Variants in FAM91A1 observed in about 807,000 individuals in gnomAD.
FAM91A1 encodes family with sequence similarity 91 member A1.
Under a neutral mutation model 113.5 loss-of-function variants are expected in FAM91A1, and 41 were observed. The observed-to-expected ratio is 0.36, with a 90% CI of 0.28 to 0.47. The LOEUF (loss-of-function observed/expected upper bound fraction) is 0.47, where lower values mean the gene tolerates loss of function less well. FAM91A1 is among the 20% of genes least tolerant of loss of function. FAM91A1 has a pLI of 1.00. For synonymous variants in FAM91A1, 307 were observed against 347.9 expected (o/e 0.88, Z 1.31); for missense variants, 696 against 1,001.2 (o/e 0.70, Z 4.11).
intron 16 of FAM91A1, among the ~76,000 whole-genome samples, chr8:123,798,923 AC>A (rs1418864551): frequency 6.6e-6 from 1 of 152,232 alleles, no homozygotes; most frequent in African/African-American, 2.4e-5. Context: ...TTAGTATTCA[AC>A]AAGAGATTTG....
At chr8:123,784,364 T>G (rs1185234007) in intron 8 of FAM91A1, 106 bp from the exon 9 acceptor site, 8 of 732,642 alleles carry the variant, frequency 1.1e-5, no homozygotes, top group Non-Finnish European at 1.7e-5. Context: ...AAAGCTGCAT[T>G]CAGTCCCTAA....
intron 1 of FAM91A1, among the ~76,000 whole-genome samples, chr8:123,772,740 A>C (rs1030115845): frequency 1.3e-5 from 2 of 152,234 alleles, no homozygotes; most frequent in Non-Finnish European, 1.5e-5. Flanking sequence ...CCGGAAGTTA[A>C]CTACTAATAG....
At position 123,778,683 on chromosome 8, in the gene FAM91A1, C is replaced by A; in HGVS notation, c.460C>A (p.Arg154Ser). The change falls in exon 6 of 24, where the codon CGT becomes AGT. Residue 154 changes from arginine to serine, a missense_variant. Transcript: ENST00000334705. ...SKKFFRRKTARDLLPIKPVEI... is the reference protein window; with the variant it reads ...SKKFFRRKTASDLLPIKPVEI... ...GAAATTCTTCAGAAGGAAAACAGCC[C>A]GTGATCTTCTACCAATAAAGCCAGT... 1 of 1,610,200 alleles carries A rather than the reference C, an allele frequency of 6.2e-7. No homozygotes were observed. Among genetic ancestry groups the A allele is most frequent in the South Asian group, 1.1e-5 (1 of 90,898 alleles).
At chr8:123,811,765 A>C (rs1385335859) in intron 23 of FAM91A1, among the ~76,000 whole-genome samples, 2 of 152,134 alleles carry the variant, frequency 1.3e-5, no homozygotes, top group African/African-American at 4.8e-5. Context: ...TGGATGTTTG[A>C]GCATGGAGTC....
At chr8:123,786,674 C>G in intron 12 of FAM91A1, 64 bp downstream of exon 12, 2 of 1,157,336 alleles carry the variant, frequency 1.7e-6, no homozygotes, top group East Asian at 2.3e-5. Context: ...CAAACATACA[C>G]TCTTACAGTT....
At chr8:123,787,558 A>G (rs2130093608) in intron 13 of FAM91A1, 106 bp from the exon 14 acceptor site, 4 of 1,085,406 alleles carry the variant, frequency 3.7e-6, no homozygotes, top group Non-Finnish European at 1.3e-6. Context: ...CTCACCCCCC[A>G]ATCCTTAAGT....
chr8:123,777,950 C>T (rs940199546), intron 4 of FAM91A1, 75 bp from the exon 5 acceptor site: 1 of 1,293,962 alleles, frequency 7.7e-7, no homozygotes, highest in Non-Finnish European at 1.1e-6. Context: ...TCGGGTTTTT[C>T]CTACAATCGC....
chr8:123,799,751 C>G (rs1393605649), intron 17 of FAM91A1, 21 bp from the exon 18 acceptor site: 2 of 1,605,432 alleles, frequency 1.2e-6, no homozygotes. Context: ...GCCATTTTAC[C>G]TGTTAATTTC....
chr8:123,768,635 G>A lies in FAM91A1; in HGVS notation c.-68G>A. 7.2e-7 allele frequency: 1 copy of A among 1,393,822 alleles called. No individual in the cohort carries two copies. The allele number at this position is 1,393,822 out of a possible 1,614,324, so 86.3% of individuals were successfully genotyped here. On this transcript the variant is annotated 5_prime_UTR_variant, in exon 1 of 24. Transcript: ENST00000334705. Reference sequence around the variant, plus strand: ...GCGTCGCTCCGCTGACAGGCTGCGGGCGGGCAGGCGGGAGGCGTAGTGTGG... The same window carrying A: ...GCGTCGCTCCGCTGACAGGCTGCGGACGGGCAGGCGGGAGGCGTAGTGTGG...
At chr8:123,773,619 A>G (rs1389721527) in intron 1 of FAM91A1, among the ~76,000 whole-genome samples, 1 of 152,212 alleles carries the variant, frequency 6.6e-6, no homozygotes, top group East Asian at 1.9e-4. Context: ...CAGAAATCCT[A>G]ATCTTTAATA....
At chr8:123,809,467 A>G (rs545516155) in intron 22 of FAM91A1, among the ~76,000 whole-genome samples, 6 of 152,372 alleles carry the variant, frequency 3.9e-5, no homozygotes, top group African/African-American at 1.4e-4. Flanking sequence ...TACATTTTCT[A>G]AAATGGATAT....
At chr8:123,782,933 G>T (rs2130075161) in intron 8 of FAM91A1, among the ~76,000 whole-genome samples, 1 of 152,286 alleles carries the variant, frequency 6.6e-6, no homozygotes, top group East Asian at 1.9e-4. Flanking sequence ...ACTTTGGGAA[G>T]CCAAGGTATG....
At chr8:123,784,768 G>C in intron 9 of FAM91A1, 192 bp downstream of exon 9, 2 of 436,570 alleles carry the variant, frequency 4.6e-6, no homozygotes, top group Non-Finnish European at 3.9e-6. Context: ...ATAATTTATA[G>C]TTTGGTTAAC....
At chr8:123,804,221 C>A (rs1232322182) in intron 18 of FAM91A1, among the ~76,000 whole-genome samples, 1 of 150,326 alleles carries the variant, frequency 6.7e-6, no homozygotes, top group Non-Finnish European at 1.5e-5. Context: ...CGCGGTGGCT[C>A]ACACCTGTAA....
chr8:123,792,283 A>G lies in FAM91A1; in HGVS notation c.1411+2538A>G, dbSNP rs147438226. Among the ~76,000 whole-genome samples, 956 of 152,356 alleles carry G rather than the reference A, an allele frequency of 6.3e-3. 8 individuals carry two copies. The highest frequency in any genetic ancestry group is 0.022 in the African/African-American group (903 of 41,584). ...AATTTATACTTTGAGTATATCATGT[A>G]GTACTTGTTATCTACTATAAAGCAA... On this transcript the variant is annotated intron_variant, in intron 15 of 23. Transcript: ENST00000334705.
intron 15 of FAM91A1, 38 bp from the exon 16 acceptor site, chr8:123,798,052 A>G: frequency 6.5e-7 from 1 of 1,550,140 alleles, no homozygotes; most frequent in South Asian, 1.2e-5. Flanking sequence ...TCACACTCTC[A>G]GTCTTTTATT....
chr8:123,776,262 T>C (rs6988602), intron 3 of FAM91A1, among the ~76,000 whole-genome samples: 48,990 of 152,202 alleles, frequency 0.32, 11,411 homozygotes, highest in African/African-American at 0.65. Context: ...TCCTTAATTA[T>C]GTTTGAGTGC....
At chr8:123,807,328 G>A (rs537332870) in intron 20 of FAM91A1, among the ~76,000 whole-genome samples, 1 of 152,000 alleles carries the variant, frequency 6.6e-6, no homozygotes, top group South Asian at 2.1e-4. Flanking sequence ...TACCTGCTTA[G>A]GTGCTGGAGC....
intron 3 of FAM91A1, among the ~76,000 whole-genome samples, chr8:123,776,989 C>T (rs1422184912): frequency 6.6e-6 from 1 of 152,166 alleles, no homozygotes; most frequent in East Asian, 1.9e-4. Context: ...CCATTACTTA[C>T]ATAGCTTCCA....
Sources: allele counts gnomAD v4.1 joint callset (sites outside exome capture counted in the v4.1 genomes callset), GRCh38; gene constraint gnomAD v4.1.1; transcripts MANE v1.5; gene names NCBI Gene and HGNC (gene_info 2026-07-23, HGNC 2026-07-21).